PRORP: variants seen among roughly 807,000 people sequenced by gnomAD.
The protein encoded by PRORP is protein only RNase P catalytic subunit, also known as mitochondrial ribonuclease P catalytic subunit.
In PRORP, 51 loss-of-function variants were observed where a neutral mutation model predicts 59.4. That is an observed-to-expected ratio of 0.86 (90% CI 0.69 to 1.08). PRORP has a LOEUF of 1.08. Among genes scored for constraint, PRORP ranks in the 50% least tolerant of loss-of-function variants. PRORP has a pLI of 0.00. For synonymous variants in PRORP, 231 were observed against 245.6 expected (o/e 0.94, Z 0.55); for missense variants, 646 against 690.3 (o/e 0.94, Z 0.72).
At chr14:35,234,631 G>T (rs1235432764) in intron 5 of PRORP, among the ~76,000 whole-genome samples, 1 of 148,368 alleles carries the variant, frequency 6.7e-6, no homozygotes, top group Non-Finnish European at 1.5e-5. Flanking sequence ...CTTCAAATGT[G>T]ATTAACTCTC....
At position 35,219,449 on chromosome 14, in the gene PRORP, A is replaced by G. The variant is rs146183929; in HGVS notation, c.1275+38672A>G. On this transcript the variant is annotated intron_variant, in intron 5 of 7. Transcript: ENST00000534898. ...AGGCCTATGGAGACATTTTTTCTAC[A>G]AAGGGACATGCAGCATTTATGAAAA... Among the ~76,000 whole-genome samples, 283 of 152,340 alleles carry G rather than the reference A, an allele frequency of 1.9e-3. 2 individuals are homozygous for G. The highest frequency in any genetic ancestry group is 6.5e-3 in the African/African-American group (270 of 41,578).
In PRORP at chr14:35,136,644, G is replaced by A. The variant is rs985895953; in HGVS notation, c.1167+9033G>A. On this transcript the variant is annotated intron_variant, in intron 4 of 7. Transcript: ENST00000534898. ...CCCACCTCGGCCTCCCAAAGTGCTG[G>A]GATTACAGGTGTGAGCCACCGCACC... Among the ~76,000 whole-genome samples, 20 of 145,374 alleles carry A rather than the reference G, an allele frequency of 1.4e-4. 3 individuals carry two copies. The highest frequency in any genetic ancestry group is 2.1e-4 in the Non-Finnish European group (14 of 65,462).
chr14:35,240,315 G>GT (rs5807821), intron 5 of PRORP, among the ~76,000 whole-genome samples: 101,879 of 129,086 alleles, frequency 0.79, 39,764 homozygotes, highest in Admixed American at 0.83. Flanking sequence ...TTTTTTTTTG[G>GT]TTTAAAATTT....
At chr14:35,189,539 T>G (rs1413447611) in intron 5 of PRORP, among the ~76,000 whole-genome samples, 1 of 152,010 alleles carries the variant, frequency 6.6e-6, no homozygotes, top group Non-Finnish European at 1.5e-5. Context: ...CAGGGAATTA[T>G]TAGGTTGATT....
At chr14:35,196,769 A>C (rs1466827654) in intron 5 of PRORP, among the ~76,000 whole-genome samples, 1 of 152,136 alleles carries the variant, frequency 6.6e-6, no homozygotes, top group African/African-American at 2.4e-5. Context: ...TTTGTCATGT[A>C]TCACTTCACC....
At chr14:35,266,906 C>T in intron 6 of PRORP, 31 bp downstream of exon 6, 1 of 1,612,588 alleles carries the variant, frequency 6.2e-7, no homozygotes, top group Middle Eastern at 1.7e-4. Flanking sequence ...GTGAATTATA[C>T]TGTGCTGCAG....
intron 5 of PRORP, among the ~76,000 whole-genome samples, chr14:35,190,035 G>C (rs2139080093): frequency 6.6e-6 from 1 of 151,738 alleles, no homozygotes; most frequent in South Asian, 2.1e-4. Context: ...CTTGAACCCG[G>C]CAGCAGAGGT....
intron 5 of PRORP, among the ~76,000 whole-genome samples, chr14:35,194,656 C>T (rs1055899369): frequency 6.6e-6 from 1 of 152,080 alleles, no homozygotes; most frequent in Admixed American, 6.6e-5. Flanking sequence ...ACGTTTGGCA[C>T]GTGTATCCCA....
At chr14:35,153,985 T>A (rs2047848519) in intron 4 of PRORP, among the ~76,000 whole-genome samples, 1 of 152,214 alleles carries the variant, frequency 6.6e-6, no homozygotes. Flanking sequence ...TTAACATATA[T>A]CTTTATAATA....
At chr14:35,171,952 G>C (rs1031472551) in intron 4 of PRORP, among the ~76,000 whole-genome samples, 1 of 150,298 alleles carries the variant, frequency 6.7e-6, no homozygotes, top group Non-Finnish European at 1.5e-5. Context: ...TCACATTTGT[G>C]CTTTTTGGTT....
chr14:35,206,302 G>C (rs578250907), intron 5 of PRORP, among the ~76,000 whole-genome samples: 2 of 152,296 alleles, frequency 1.3e-5, no homozygotes, highest in East Asian at 3.9e-4. Flanking sequence ...AGGGAATGCT[G>C]TTAGCGAATT....
At chr14:35,210,668 A>G (rs1566499301) in intron 5 of PRORP, among the ~76,000 whole-genome samples, 1 of 151,040 alleles carries the variant, frequency 6.6e-6, no homozygotes, top group Non-Finnish European at 1.5e-5. Flanking sequence ...TACTAGATAA[A>G]TAAATTAATT....
At chr14:35,225,937 C>T (rs2049923273) in intron 5 of PRORP, among the ~76,000 whole-genome samples, 1 of 152,070 alleles carries the variant, frequency 6.6e-6, no homozygotes, top group Non-Finnish European at 1.5e-5. Flanking sequence ...AAGCATAGCT[C>T]CTAAATCACT....
chr14:35,204,257 A>G (rs1161916116), intron 5 of PRORP, among the ~76,000 whole-genome samples: 2 of 152,274 alleles, frequency 1.3e-5, no homozygotes, highest in East Asian at 3.9e-4. Flanking sequence ...AGAAATGAGA[A>G]AAAAAAATTC....
At chr14:35,229,833 CATG>C (rs2050027867) in intron 5 of PRORP, among the ~76,000 whole-genome samples, 1 of 152,128 alleles carries the variant, frequency 6.6e-6, no homozygotes, top group African/African-American at 2.4e-5. Flanking sequence ...CTTTATCACT[CATG>C]ATGTTTCCAT....
chr14:35,174,164 A>C (rs1282516196), intron 4 of PRORP, among the ~76,000 whole-genome samples: 1 of 151,984 alleles, frequency 6.6e-6, no homozygotes, highest in Non-Finnish European at 1.5e-5. Flanking sequence ...ATTAGACATC[A>C]CCTTTTGAGA....
At chr14:35,266,026 A>T (rs2051029227) in intron 5 of PRORP, among the ~76,000 whole-genome samples, 1 of 151,700 alleles carries the variant, frequency 6.6e-6, no homozygotes, top group South Asian at 2.1e-4. Context: ...AAAAAAAAAA[A>T]AAAAAATTAG....
chr14:35,235,354 A>G (rs1160135492), intron 5 of PRORP: 3 of 702,642 alleles, frequency 4.3e-6, no homozygotes, highest in Non-Finnish European at 5.3e-6. Flanking sequence ...CTTCCGAGTT[A>G]ACCTGTGTAA....
Position 35,124,245 on chromosome 14 carries a change from T to C in PRORP, c.986+14T>C, listed in dbSNP as rs751382790. The C allele has an allele frequency of 2.0e-6, 3 of 1,508,570 alleles. No individual in the cohort carries two copies. Among genetic ancestry groups the C allele is most frequent in the Non-Finnish European group, 2.7e-6 (3 of 1,130,420 alleles). The allele number at this position is 1,508,570 out of a possible 1,614,324, so 93.4% of individuals were successfully genotyped here. A position where few individuals can be genotyped will look rare whatever the true frequency, so the allele number is the denominator to read the frequency against. ...ATGGTTTGAGAGGTAATTTTGGTTT[T>C]TTTATATGTATGTTTTTATTCTTTA... On this transcript the variant is annotated intron_variant, in intron 2 of 7. Coordinates refer to ENST00000534898, the MANE Select transcript of PRORP (RefSeq NM_014672.4).
Sources: gnomAD v4.1 joint callset for allele counts (sites outside exome capture counted in the v4.1 genomes callset) on GRCh38, gnomAD v4.1.1 for gene constraint, MANE v1.5 for transcripts, NCBI Gene and HGNC (gene_info 2026-07-23, HGNC 2026-07-21) for gene names.